RASGRP1: variants seen among roughly 807,000 people sequenced by gnomAD.
The protein encoded by RASGRP1 is RAS guanyl releasing protein 1.
Under a neutral mutation model 95.1 loss-of-function variants are expected in RASGRP1, and 37 were observed. The ratio of observed to expected loss-of-function variants is 0.39; its 90% CI spans 0.30 to 0.51. The LOEUF is 0.51. Among genes scored for constraint, RASGRP1 ranks in the 20% least tolerant of loss-of-function variants. RASGRP1 has a pLI of 0.80. For synonymous variants in RASGRP1, 325 were observed against 353.4 expected (o/e 0.92, Z 0.90); for missense variants, 711 against 965.4 (o/e 0.74, Z 3.49).
At chr15:38,521,800 CTTCTT>C (rs893667867) in intron 3 of RASGRP1, among the ~76,000 whole-genome samples, 10 of 152,182 alleles carry the variant, frequency 6.6e-5, no homozygotes, top group Non-Finnish European at 1.5e-4. Context: ...TTATCCCTCT[CTTCTT>C]TTCACAATGG....
intron 11 of RASGRP1, 62 bp from the exon 12 acceptor site, chr15:38,502,483 C>T: frequency 9.6e-7 from 1 of 1,044,736 alleles, no homozygotes; most frequent in East Asian, 2.5e-5. Flanking sequence ...TCCCTTTAGT[C>T]AAATGACAAA....
intron 5 of RASGRP1, 126 bp from the exon 6 acceptor site, chr15:38,516,476 C>A: frequency 1.7e-6 from 2 of 1,171,690 alleles, no homozygotes; most frequent in Non-Finnish European, 2.4e-6. Flanking sequence ...CTTGTGAATG[C>A]CAAAACAGTG....
intron 16 of RASGRP1, 29 bp downstream of exon 16, chr15:38,494,352 TG>T: frequency 6.2e-7 from 1 of 1,611,454 alleles, no homozygotes; most frequent in Non-Finnish European, 8.5e-7. Context: ...TAAGATAGTC[TG>T]AAAAAAAGGA....
chr15:38,520,881 A>G (rs1439506221), intron 3 of RASGRP1, among the ~76,000 whole-genome samples: 2 of 152,206 alleles, frequency 1.3e-5, no homozygotes, highest in Admixed American at 1.3e-4. Context: ...GAAACCCTAA[A>G]CAAGAACTAT....
Position 38,502,169 on chromosome 15 carries a change from A to G in RASGRP1, c.1538+143T>C, listed in dbSNP as rs537459947. The stretch of plus-strand genomic sequence containing the variant: ...TGTGCCCAGGCCCAGAATATTTTTA[A>G]AAGAATGCATATTTCATGGTCTGTT... On this transcript the variant is annotated intron_variant, in intron 12 of 16. Transcript: ENST00000310803. 1.5e-5 allele frequency: 9 copies of G among 615,550 alleles called. No individual in the cohort carries two copies. The South Asian group carries it at 2.1e-4, about 15-fold the overall frequency. The allele number at this position is 615,550 out of a possible 1,614,324, so 38.1% of individuals were successfully genotyped here.
At chr15:38,559,243 G>A (rs1893707153) in intron 2 of RASGRP1, among the ~76,000 whole-genome samples, 1 of 152,170 alleles carries the variant, frequency 6.6e-6, no homozygotes, top group African/African-American at 2.4e-5. Flanking sequence ...GGGCAAAGGT[G>A]CTGACAGAGT....
chr15:38,499,223 T>A (rs1428495107), intron 14 of RASGRP1: 1 of 567,520 alleles, frequency 1.8e-6, no homozygotes, highest in Non-Finnish European at 3.3e-6. Context: ...TCCCATACAT[T>A]CTGCCTACTC....
chr15:38,491,650 CTAGT>C (rs551697455), intron 16 of RASGRP1, among the ~76,000 whole-genome samples: 44 of 151,988 alleles, frequency 2.9e-4, no homozygotes, highest in African/African-American at 1.0e-3. Context: ...TTTAATTTGA[CTAGT>C]TATTATGGAT....
At chr15:38,507,581 A>G (rs1891312595) in intron 9 of RASGRP1, 145 bp downstream of exon 9, 2 of 955,062 alleles carry the variant, frequency 2.1e-6, no homozygotes, top group African/African-American at 3.3e-5. Context: ...GTGCTTTAGT[A>G]TCCCTAGCTA....
chr15:38,523,990 G>A (rs1281231842), intron 3 of RASGRP1: 2 of 152,510 alleles, frequency 1.3e-5, no homozygotes, highest in African/African-American at 4.8e-5. Context: ...TGTCGAAGCA[G>A]AATTAATGAG....
chr15:38,503,070 GC>G, intron 11 of RASGRP1: 1 of 584,254 alleles, frequency 1.7e-6, no homozygotes, highest in Non-Finnish European at 3.0e-6. Flanking sequence ...TGAAGAGGAG[GC>G]ACAACTGCCT....
rs1312763434 is a variant in RASGRP1, at chr15:38,543,561, C to CTT, written c.220+16258_220+16259dup. ...TGGTTACATCATCTGAAACTCTAGT[C>CTT]TTTTTTTTTTTTTTTTTTTTCAGCA... On this transcript the variant is annotated intron_variant, in intron 2 of 16. Coordinates refer to ENST00000310803, the MANE Select transcript of RASGRP1 (RefSeq NM_005739.4). Among the ~76,000 whole-genome samples the CTT allele has an allele frequency of 1.6e-3, 99 of 60,638 alleles. 4 individuals are homozygous for CTT. The highest frequency in any genetic ancestry group is 4.8e-3 in the African/African-American group (80 of 16,586). 39.8% of individuals were successfully genotyped at this position (60,638 alleles called of 152,430 possible).
At chr15:38,501,361 C>T in intron 12 of RASGRP1, 74 bp from the exon 13 acceptor site, 1 of 1,525,932 alleles carries the variant, frequency 6.6e-7, no homozygotes, top group South Asian at 1.1e-5. Context: ...GGGCTTCTAG[C>T]CTTAGAAACT....
At chr15:38,519,881 A>C (rs1365572205) in intron 3 of RASGRP1, among the ~76,000 whole-genome samples, 4 of 152,236 alleles carry the variant, frequency 2.6e-5, no homozygotes, top group Non-Finnish European at 5.9e-5. Context: ...ATGATAATGA[A>C]GAACAATAAT....
rs753015158 is a variant in RASGRP1 at position 38,494,596 on chromosome 15, C to A, written c.2045G>T (p.Gly682Val). Reference protein sequence around the residue: ...ATQTESQPWIGSEGPSGPFVL... With the variant: ...ATQTESQPWIVSEGPSGPFVL... ...AAAGGGACCTGAAGGGCCCTCACTG[C>A]CAATCCAAGGCTGTGATTCAGTCTG... The change falls in exon 16 of 17, where the codon GGC becomes GTC. Residue 682 changes from glycine to valine, a missense_variant. This residue lies in a region of RASGRP1 where 212 missense variants were observed against 247.8 expected (regional missense o/e 0.86). Transcript: ENST00000310803. 3 of 1,561,890 alleles carry A rather than the reference C, an allele frequency of 1.9e-6. No individual in the cohort carries two copies. In the East Asian group the frequency reaches 6.9e-5, roughly 36 times the overall value.
chr15:38,523,878 T>G (rs57904509), intron 3 of RASGRP1, among the ~76,000 whole-genome samples: 1,719 of 152,232 alleles, frequency 0.011, 38 homozygotes, highest in African/African-American at 0.04. Flanking sequence ...GGCTATGCCA[T>G]CTAGGTTTGT....
In RASGRP1 at chr15:38,494,378, G is replaced by T. The variant is rs1396537145; in HGVS notation, c.2259+4C>A. 6.2e-7 allele frequency: 1 copy of T among 1,613,736 alleles called. No individual in the cohort carries two copies. Among genetic ancestry groups the T allele is most frequent in the South Asian group, 1.1e-5 (1 of 90,940 alleles). ...GAAAAAAAGGAAAATGAAAAGGAAG[G>T]TACCTGTTCCAGTTCTTGGTAGGTA... On this transcript the variant is annotated splice_donor_region_variant and intron_variant, in intron 16 of 16. Coordinates refer to ENST00000310803, the MANE Select transcript of RASGRP1 (RefSeq NM_005739.4).
At chr15:38,517,615 T>C (rs143913162) in intron 5 of RASGRP1, among the ~76,000 whole-genome samples, 54 of 152,172 alleles carry the variant, frequency 3.5e-4, no homozygotes, top group African/African-American at 1.2e-3. Flanking sequence ...GTCAGAAAAA[T>C]CAGGATGTTG....
At chr15:38,560,575 G>A (rs1483925568) in intron 1 of RASGRP1, among the ~76,000 whole-genome samples, 3 of 152,214 alleles carry the variant, frequency 2.0e-5, no homozygotes, top group African/African-American at 7.2e-5. Context: ...GACCTTGGGG[G>A]AGAAGTCAAA....
Sources: gnomAD v4.1 joint callset for allele counts (sites outside exome capture counted in the v4.1 genomes callset) on GRCh38, gnomAD v4.1.1 for gene constraint, gnomAD v4.1.1 regional missense constraint, MANE v1.5 for transcripts, NCBI Gene and HGNC (gene_info 2026-07-23, HGNC 2026-07-21) for gene names.